DOCK8: variants seen among roughly 807,000 people sequenced by gnomAD.
The protein encoded by DOCK8 is dedicator of cytokinesis protein 8.
DOCK8 carries 141 observed loss-of-function variants against 245.6 expected under a neutral mutation model. The observed-to-expected ratio is 0.57, with a 90% CI of 0.50 to 0.66. The LOEUF is 0.66. DOCK8 is among the 30% of genes least tolerant of loss of function. DOCK8 has a pLI of 0.00. For missense variants in DOCK8, 2,965 were observed against 2,603.4 expected (o/e 1.14, Z -3.02); for synonymous variants, 1,168 against 970.2 (o/e 1.20, Z -3.79).
chr9:334,153 CAT>C lies in DOCK8; in HGVS notation c.1126-69_1126-68del, dbSNP rs2051192098. On this transcript the variant is annotated intron_variant, in intron 10 of 47. Transcript: ENST00000432829. The stretch of plus-strand genomic sequence containing the variant: ...GGGTTTGGATTTTGGAGATGGCTGT[CAT>C]ATTCAGGTCAGAGGCAGTTGACTTG... 1.9e-6 allele frequency: 3 copies of C among 1,558,228 alleles called. No individual in the cohort carries two copies. In the East Asian group the frequency reaches 6.8e-5, roughly 35 times the overall value.
chr9:311,966 C>G lies in DOCK8; in HGVS notation c.541C>G (p.His181Asp), dbSNP rs200684000. 5.1e-4 allele frequency: 818 copies of G among 1,614,040 alleles called. 3 individuals carry two copies. Among genetic ancestry groups the G allele is most frequent in the Non-Finnish European group, 2.5e-4 (292 of 1,180,038 alleles). ...TTTTCTCTCACAGGCAGGCCCCCGCCACTTAAACGTGCTGTGCGACGTGTC... is the reference window on the plus strand; with the variant it reads ...TTTTCTCTCACAGGCAGGCCCCCGCGACTTAAACGTGCTGTGCGACGTGTC... ...SEPAAQAGPRHLNVLCDVSGK... is the reference protein window; with the variant it reads ...SEPAAQAGPRDLNVLCDVSGK... Residue 181 changes from histidine (H) to aspartate (D), a missense_variant, in exon 6 of 48, where the codon CAC becomes GAC. By Grantham distance (81) the His-to-Asp change is moderately conservative. Transcript: ENST00000432829.
intron 5 of DOCK8, among the ~76,000 whole-genome samples, chr9:310,645 G>A (rs971321567): frequency 1.3e-5 from 2 of 152,194 alleles, no homozygotes; most frequent in East Asian, 3.9e-4. Flanking sequence ...ATTTTTAGTA[G>A]CGATGGGGTT....
intron 24 of DOCK8, among the ~76,000 whole-genome samples, chr9:393,515 A>G (rs2054300026): frequency 6.6e-6 from 1 of 152,196 alleles, no homozygotes; most frequent in Admixed American, 6.5e-5. Context: ...GTGGCCATAA[A>G]GAGAGTCTCC....
At chr9:237,743 C>G (rs2047288508) in intron 1 of DOCK8, among the ~76,000 whole-genome samples, 1 of 152,122 alleles carries the variant, frequency 6.6e-6, no homozygotes, top group East Asian at 1.9e-4. Context: ...AAATCCCACA[C>G]ATTGATAAGC....
At chr9:227,411 T>C (rs1204777995) in intron 1 of DOCK8, among the ~76,000 whole-genome samples, 2 of 152,186 alleles carry the variant, frequency 1.3e-5, no homozygotes, top group Non-Finnish European at 2.9e-5. Flanking sequence ...GGTGATGTGG[T>C]CACTTGGAGG....
chr9:224,770 G>C (rs941214609), intron 1 of DOCK8, among the ~76,000 whole-genome samples: 4 of 152,168 alleles, frequency 2.6e-5, no homozygotes, highest in African/African-American at 9.7e-5. Flanking sequence ...AGGGGTACTA[G>C]TCATCATACG....
intron 7 of DOCK8, among the ~76,000 whole-genome samples, chr9:318,652 C>T (rs1004697893): frequency 1.3e-5 from 2 of 152,196 alleles, no homozygotes; most frequent in Non-Finnish European, 1.5e-5. Flanking sequence ...GCCCATAAAC[C>T]AGCTGAGTGT....
intron 5 of DOCK8, among the ~76,000 whole-genome samples, chr9:307,722 C>G (rs1329509228): frequency 2.0e-5 from 3 of 151,966 alleles, no homozygotes; most frequent in African/African-American, 7.3e-5. Context: ...AGATATATGT[C>G]CAGAGGAAAG....
chr9:374,010 G>A (rs1408161226), intron 18 of DOCK8, among the ~76,000 whole-genome samples: 1 of 152,224 alleles, frequency 6.6e-6, no homozygotes, highest in Non-Finnish European at 1.5e-5. Context: ...CCCTAGCTGT[G>A]TGAATGTTGG....
At chr9:403,931 T>TATATATAC (rs1178571172) in intron 26 of DOCK8, among the ~76,000 whole-genome samples, 1 of 76,282 alleles carries the variant, frequency 1.3e-5, no homozygotes, top group African/African-American at 8.2e-5. Context: ...TATATATATG[T>TATATATAC]GTATATATAT....
At chr9:258,340 C>T (rs2047830098) in intron 1 of DOCK8, among the ~76,000 whole-genome samples, 1 of 125,980 alleles carries the variant, frequency 7.9e-6, no homozygotes, top group African/African-American at 2.7e-5. Context: ...CATGAATATA[C>T]AGCATGTGGC....
upstream of DOCK8, chr9:214,762 C>G: frequency 6.5e-7 from 1 of 1,536,888 alleles, no homozygotes; most frequent in South Asian, 1.2e-5. Context: ...GCCTGCGCGC[C>G]AGGCCGGGTG....
At chr9:348,180 G>A (rs897627582) in intron 14 of DOCK8, among the ~76,000 whole-genome samples, 1 of 152,180 alleles carries the variant, frequency 6.6e-6, no homozygotes, top group Non-Finnish European at 1.5e-5. Context: ...ACCAAGAGAT[G>A]CATCCCTTAA....
chr9:384,685 G>T (rs12347742), intron 22 of DOCK8, among the ~76,000 whole-genome samples: 4,778 of 152,268 alleles, frequency 0.031, 152 homozygotes, highest in African/African-American at 0.085. Flanking sequence ...CGGAGGCTGA[G>T]GCGGGCAGAT....
At chr9:429,392 C>T (rs1450526467) in intron 35 of DOCK8, among the ~76,000 whole-genome samples, 2 of 152,226 alleles carry the variant, frequency 1.3e-5, no homozygotes, top group Admixed American at 6.5e-5. Context: ...CCAGTAATTT[C>T]CCAGGAACCC....
At chr9:441,848 G>A (rs1481127440) in intron 41 of DOCK8, 27 bp from the exon 42 acceptor site, 1 of 1,614,060 alleles carries the variant, frequency 6.2e-7, no homozygotes, top group Admixed American at 1.7e-5. Flanking sequence ...CATAACTAAG[G>A]AGAGCTTTTT....
intron 7 of DOCK8, among the ~76,000 whole-genome samples, chr9:322,502 G>A (rs751220620): frequency 2.7e-5 from 4 of 148,338 alleles, no homozygotes; most frequent in Non-Finnish European, 4.5e-5. Context: ...GTAGACTTTG[G>A]CAAGTTCCTT....
At chr9:440,047 C>T (rs1398654870) in intron 40 of DOCK8, among the ~76,000 whole-genome samples, 1 of 152,092 alleles carries the variant, frequency 6.6e-6, no homozygotes, top group Non-Finnish European at 1.5e-5. Flanking sequence ...GAGACAGAGT[C>T]TAGCTCTGTC....
chr9:377,223 C>T lies in DOCK8; in HGVS notation c.2440+12C>T, dbSNP rs747420278. ...CGCTGGCCAGACAGGTATGAACCTG[C>T]AGGGCTGGGCTGGGAGGAGGCAGGA... On this transcript the variant is annotated intron_variant, in intron 20 of 47. Transcript: ENST00000432829. 1.9e-5 allele frequency: 29 copies of T among 1,565,674 alleles called. No individual in the cohort carries two copies. Among genetic ancestry groups the T allele is most frequent in the Non-Finnish European group, 2.3e-5 (27 of 1,160,048 alleles).
Sources: allele counts gnomAD v4.1 joint callset (sites outside exome capture counted in the v4.1 genomes callset), GRCh38; gene constraint gnomAD v4.1.1; transcripts MANE v1.5; gene names NCBI Gene and HGNC (gene_info 2026-07-23, HGNC 2026-07-21).